FRMD6: variants seen among roughly 807,000 people sequenced by gnomAD.
FRMD6 encodes FERM domain containing 6.
FRMD6 carries 37 observed loss-of-function variants against 73.2 expected under a neutral mutation model. The ratio of observed to expected loss-of-function variants is 0.51; its 90% CI spans 0.39 to 0.66. The LOEUF is 0.66. Ranked by LOEUF, FRMD6 falls within the 30% of genes least tolerant of loss-of-function variation. The probability of loss-of-function intolerance (pLI) is 0.00; values close to 1 mark genes in which losing one functional copy is unlikely to be tolerated. For missense variants in FRMD6, 714 were observed against 780.5 expected (o/e 0.91, Z 1.02); for synonymous variants, 273 against 282.2 (o/e 0.97, Z 0.33).
chr14:51,672,096 A>G (rs775386329), intron 1 of FRMD6, among the ~76,000 whole-genome samples: 1 of 152,216 alleles, frequency 6.6e-6, no homozygotes, highest in African/African-American at 2.4e-5. Context: ...TGGCTTTACC[A>G]GTATGATCCT....
At chr14:51,505,508 G>T (rs1283733260) in intron 1 of FRMD6, among the ~76,000 whole-genome samples, 2 of 152,122 alleles carry the variant, frequency 1.3e-5, no homozygotes, top group Non-Finnish European at 2.9e-5. Flanking sequence ...TGCTTGGATG[G>T]AGGGGTGGTG....
intron 1 of FRMD6, among the ~76,000 whole-genome samples, chr14:51,676,859 G>A (rs1161627281): frequency 1.3e-5 from 2 of 152,070 alleles, no homozygotes; most frequent in African/African-American, 4.8e-5. Context: ...TCATACCTTT[G>A]CCTTTCTTTA....
chr14:51,698,763 T>C (rs1018973805), intron 3 of FRMD6, among the ~76,000 whole-genome samples: 1 of 152,082 alleles, frequency 6.6e-6, no homozygotes, highest in Non-Finnish European at 1.5e-5. Flanking sequence ...GTCAGTTTCT[T>C]CTATATTCTT....
chr14:51,461,728 T>A, the FRMD6 span, among the ~76,000 whole-genome samples: 6 of 152,218 alleles, frequency 3.9e-5, no homozygotes, highest in African/African-American at 1.4e-4. Flanking sequence ...AATGTAAGAA[T>A]CAAGCAATTT....
At chr14:51,549,595 CTTTTTTTTTTTT>C (rs35356416) in intron 1 of FRMD6, among the ~76,000 whole-genome samples, 2 of 98,010 alleles carry the variant, frequency 2.0e-5, no homozygotes, top group African/African-American at 4.1e-5. Flanking sequence ...TTTTTTCTTT[CTTTTTTTTTTTT>C]TTTTTTTTGA....
chr14:51,726,703 A>C (rs369715733), intron 13 of FRMD6, among the ~76,000 whole-genome samples: 1 of 152,210 alleles, frequency 6.6e-6, no homozygotes, highest in Non-Finnish European at 1.5e-5. Flanking sequence ...CACCTACACT[A>C]TGGGGAGAAC....
the FRMD6 span, among the ~76,000 whole-genome samples, chr14:51,399,420 C>T: frequency 3.9e-5 from 6 of 152,250 alleles, no homozygotes; most frequent in Admixed American, 3.3e-4. Context: ...CCCCATTTTT[C>T]GGTAGATACA....
intron 2 of FRMD6, among the ~76,000 whole-genome samples, chr14:51,645,967 G>A (rs1892047649): frequency 6.6e-6 from 1 of 152,062 alleles, no homozygotes; most frequent in Non-Finnish European, 1.5e-5. Flanking sequence ...AAAGACAGAT[G>A]TTCACCCCTC....
chr14:51,585,939 G>GTGTATATATATATA lies in FRMD6; in HGVS notation c.-147+15530_-147+15531insGTATATATATATAT. On this transcript the variant is annotated intron_variant, in intron 2 of 14. Coordinates refer to the FRMD6 transcript ENST00000356218. ...TGCCATGGCATGTGTGTGTGTGTGT[G>GTGTATATATATATA]TATATATATATATATATATATAACA... is the stretch of plus-strand genomic sequence containing the variant. Among the ~76,000 whole-genome samples, 21 of 31,420 alleles carry GTGTATATATATATA rather than the reference G, an allele frequency of 6.7e-4. 2 individuals carry two copies. The highest frequency in any genetic ancestry group is 7.7e-4 in the Non-Finnish European group (8 of 10,372). 20.6% of individuals were successfully genotyped at this position (31,420 alleles called of 152,430 possible). A position where few individuals can be genotyped will look rare whatever the true frequency, so the allele number is the denominator to read the frequency against.
intron 2 of FRMD6, among the ~76,000 whole-genome samples, chr14:51,645,356 G>T (rs1892016983): frequency 1.3e-5 from 2 of 152,106 alleles, no homozygotes. Context: ...GGACAGGTAG[G>T]GTGTCCCTTG....
intron 2 of FRMD6, among the ~76,000 whole-genome samples, chr14:51,601,363 T>C (rs4898704): frequency 0.52 from 79,738 of 152,006 alleles, 21,203 homozygotes; most frequent in East Asian, 0.62. Flanking sequence ...AAAAAGACTC[T>C]TGCAATTTCA....
chr14:51,508,454 T>C (rs965749811), intron 1 of FRMD6, among the ~76,000 whole-genome samples: 4 of 152,308 alleles, frequency 2.6e-5, no homozygotes, highest in Non-Finnish European at 5.9e-5. Context: ...GTGTGTTTCC[T>C]TCCTTTCCCA....
chr14:51,436,819 TGAA>T, the FRMD6 span: 45 of 546,180 alleles, frequency 8.2e-5, no homozygotes, highest in Non-Finnish European at 1.3e-4. Flanking sequence ...ATGATGAAGA[TGAA>T]GAAGGAGAAG....
chr14:51,504,058 C>T (rs189772960), intron 1 of FRMD6, among the ~76,000 whole-genome samples: 152 of 152,072 alleles, frequency 1.0e-3, no homozygotes, highest in Non-Finnish European at 1.6e-3. Flanking sequence ...TTTGTATTTC[C>T]GGGGGTCAGT....
intron 1 of FRMD6, chr14:51,547,847 A>G (rs964122903): frequency 6.6e-6 from 1 of 152,010 alleles, no homozygotes; most frequent in Non-Finnish European, 1.5e-5. Context: ...ATATTTCCCG[A>G]AGATCTTGAG....
intron 1 of FRMD6, among the ~76,000 whole-genome samples, chr14:51,661,312 A>G (rs1186699982): frequency 6.6e-6 from 1 of 152,206 alleles, no homozygotes; most frequent in Non-Finnish European, 1.5e-5. Flanking sequence ...GAAATCACAC[A>G]CATAATCCAA....
At chr14:51,480,422 C>T in the FRMD6 span, among the ~76,000 whole-genome samples, 5 of 152,138 alleles carry the variant, frequency 3.3e-5, no homozygotes, top group African/African-American at 1.2e-4. Flanking sequence ...AGTGTCCTCT[C>T]CAATCTTCTT....
chr14:51,567,921 G>C (rs1887866870), intron 1 of FRMD6, among the ~76,000 whole-genome samples: 3 of 152,098 alleles, frequency 2.0e-5, no homozygotes, highest in Admixed American at 1.3e-4. Flanking sequence ...TCTTAATAAA[G>C]GGAAAAGAAA....
intron 1 of FRMD6, among the ~76,000 whole-genome samples, chr14:51,525,160 A>T (rs1218754799): frequency 6.6e-6 from 1 of 151,384 alleles, no homozygotes; most frequent in Non-Finnish European, 1.5e-5. Flanking sequence ...GGATGGATGG[A>T]TGGATGGATG....
Sources: gnomAD v4.1 joint callset for allele counts (sites outside exome capture counted in the v4.1 genomes callset) on GRCh38, gnomAD v4.1.1 for gene constraint, MANE v1.5 for transcripts, NCBI Gene and HGNC (gene_info 2026-07-23, HGNC 2026-07-21) for gene names.